The following DLC1 variants were observed in gnomAD, a reference collection of about 807,000 sequenced individuals.
The protein encoded by DLC1 is DLC1 Rho GTPase activating protein, also known as rho GTPase-activating protein 7.
DLC1 carries 54 observed loss-of-function variants against 140.3 expected under a neutral mutation model. That is an observed-to-expected ratio of 0.38 (90% CI 0.31 to 0.48). The LOEUF (loss-of-function observed/expected upper bound fraction) is 0.48, where lower values mean the gene tolerates loss of function less well. DLC1 is among the 20% of genes least tolerant of loss of function. The pLI is 0.96. For missense variants in DLC1, 2,536 were observed against 1,907.0 expected (o/e 1.33, Z -6.14); for synonymous variants, 986 against 728.1 (o/e 1.35, Z -5.70).
At chr8:13,092,549 G>T in intron 13 of DLC1, 63 bp downstream of exon 13, 1 of 1,547,260 alleles carries the variant, frequency 6.5e-7, no homozygotes. Context: ...CCACAGCTAC[G>T]GAGAGTCCTA....
chr8:13,239,494 A>T (rs1206503950), intron 5 of DLC1, among the ~76,000 whole-genome samples: 3 of 152,162 alleles, frequency 2.0e-5, no homozygotes, highest in African/African-American at 7.2e-5. Flanking sequence ...ATAATTGCCA[A>T]GTGAGTGGTT....
chr8:13,544,522 G>A (rs1160556), intron 1 of DLC1, among the ~76,000 whole-genome samples: 18,032 of 152,150 alleles, frequency 0.12, 1,273 homozygotes, highest in Non-Finnish European at 0.14. Context: ...AGCCTACAGC[G>A]TGAGGGGAGA....
chr8:13,191,041 G>T (rs1317646912), intron 5 of DLC1, among the ~76,000 whole-genome samples: 1 of 152,162 alleles, frequency 6.6e-6, no homozygotes, highest in Non-Finnish European at 1.5e-5. Context: ...TAACGAGGTA[G>T]AAAAGTAGAA....
chr8:13,276,131 A>G (rs1831153776), intron 5 of DLC1: 2 of 1,317,022 alleles, frequency 1.5e-6, no homozygotes, highest in South Asian at 1.5e-5. Flanking sequence ...ACACACTGCC[A>G]TGACAAGAAT....
intron 2 of DLC1, among the ~76,000 whole-genome samples, chr8:13,463,536 C>G (rs1799774926): frequency 6.6e-6 from 1 of 152,114 alleles, no homozygotes; most frequent in Admixed American, 6.5e-5. Context: ...AAAGGCTTTA[C>G]TTGTGTTTAC....
chr8:13,424,082 T>C (rs1838441273), intron 2 of DLC1, among the ~76,000 whole-genome samples: 1 of 152,174 alleles, frequency 6.6e-6, no homozygotes, highest in Non-Finnish European at 1.5e-5. Context: ...GGTGTTTCCT[T>C]ATGCTATTGA....
intron 6 of DLC1, among the ~76,000 whole-genome samples, chr8:13,112,662 T>G (rs1025668336): frequency 2.0e-5 from 3 of 152,226 alleles, no homozygotes; most frequent in Admixed American, 2.0e-4. Flanking sequence ...GAAGACAGGT[T>G]GTAACATTGT....
chr8:13,584,099 G>A (rs1438445144), intron 1 of DLC1: 1 of 152,992 alleles, frequency 6.5e-6, no homozygotes, highest in Non-Finnish European at 1.5e-5. Flanking sequence ...TGCTTCAGCA[G>A]GTTCTTTGCT....
intron 2 of DLC1, among the ~76,000 whole-genome samples, chr8:13,427,652 A>C (rs774051996): frequency 6.6e-6 from 1 of 151,584 alleles, no homozygotes; most frequent in Non-Finnish European, 1.5e-5. Flanking sequence ...TCTCAATCCC[A>C]CTTCCCGTGG....
At position 13,401,508 on chromosome 8, in the gene DLC1, G is replaced by C. The variant is rs1346751926; in HGVS notation, c.1135C>G (p.Pro379Ala). 2 of 1,612,924 alleles carry C rather than the reference G, an allele frequency of 1.2e-6. No homozygotes were observed. Among genetic ancestry groups the C allele is most frequent in the Non-Finnish European group, 1.7e-6 (2 of 1,180,012 alleles). ...IENALSTSSS[P>A]SGTPTNLRRH... ...CGCAGGTTTGTTGGTGTGCCTGATGGAGAGGAGCTGGTGCTGAGGGCATTT... is the reference window on the plus strand; with the variant it reads ...CGCAGGTTTGTTGGTGTGCCTGATGCAGAGGAGCTGGTGCTGAGGGCATTT... Residue 379 changes from proline (P) to alanine (A), a missense_variant, in exon 3 of 18, where the codon CCA (proline) becomes GCA (alanine). Transcript: ENST00000276297.
At chr8:13,598,283 G>C (rs1173301367) in intron 1 of DLC1, among the ~76,000 whole-genome samples, 3 of 152,000 alleles carry the variant, frequency 2.0e-5, no homozygotes, top group Non-Finnish European at 4.4e-5. Flanking sequence ...AGTGCTTGCT[G>C]CTAGCCAGAG....
chr8:13,497,612 GT>G (rs1193736987), intron 2 of DLC1, among the ~76,000 whole-genome samples: 3 of 152,192 alleles, frequency 2.0e-5, no homozygotes, highest in African/African-American at 7.2e-5. Context: ...GTGAGTATAT[GT>G]TTCTGGAATG....
chr8:13,132,811 C>A, intron 5 of DLC1: 1 of 1,141,168 alleles, frequency 8.8e-7, no homozygotes, highest in Non-Finnish European at 1.3e-6. Flanking sequence ...AATCCGGAGA[C>A]TCTGCAGAAA....
At chr8:13,134,590 CTT>C (rs923647026) in intron 5 of DLC1, among the ~76,000 whole-genome samples, 3 of 152,090 alleles carry the variant, frequency 2.0e-5, no homozygotes, top group African/African-American at 7.2e-5. Context: ...TAGTTTAAAA[CTT>C]ATTGGTTTCA....
intron 4 of DLC1, among the ~76,000 whole-genome samples, chr8:13,322,905 C>G (rs1183200336): frequency 6.6e-6 from 1 of 152,168 alleles, no homozygotes; most frequent in Non-Finnish European, 1.5e-5. Context: ...CCATAAGGCA[C>G]TGCAGATTCC....
chr8:13,560,277 A>G (rs7006448), intron 1 of DLC1, among the ~76,000 whole-genome samples: 25,087 of 152,112 alleles, frequency 0.16, 2,358 homozygotes, highest in East Asian at 0.29. Flanking sequence ...TCTGAAAAGA[A>G]CTAAAAAAAA....
rs757766184 is a variant in DLC1 at position 13,567,802 on chromosome 8, A to G, written c.-126+36735T>C. On this transcript the variant is annotated intron_variant, in intron 1 of 1. Coordinates refer to the DLC1 transcript ENST00000631382. The stretch of plus-strand genomic sequence containing the variant: ...GAAAAGACTGACTGAGAAAAGTCAT[A>G]TCAGATACTCTGGTTTTGAAAGATC... The G allele has an allele frequency of 1.9e-5, 30 of 1,551,886 alleles. No homozygotes were observed. In the South Asian group the frequency reaches 2.7e-4, roughly 14 times the overall value.
At chr8:13,183,125 T>C (rs772940458) in intron 5 of DLC1, among the ~76,000 whole-genome samples, 3 of 152,086 alleles carry the variant, frequency 2.0e-5, no homozygotes, top group African/African-American at 4.8e-5. Flanking sequence ...CTGTCTGTTA[T>C]TGGTGTATAG....
At chr8:13,393,827 A>G in intron 3 of DLC1, 134 bp from the exon 4 acceptor site, 4 of 1,026,558 alleles carry the variant, frequency 3.9e-6, no homozygotes, top group Non-Finnish European at 4.2e-6. Context: ...CTGACAACTG[A>G]CAGTGACGTG....
Sources: gnomAD v4.1 joint callset for allele counts (sites outside exome capture counted in the v4.1 genomes callset) on GRCh38, gnomAD v4.1.1 for gene constraint, MANE v1.5 for transcripts, NCBI Gene and HGNC (gene_info 2026-07-23, HGNC 2026-07-21) for gene names.